The following SEBOX variants were observed in gnomAD, a reference collection of about 807,000 sequenced individuals.
SEBOX encodes the protein homeobox protein SEBOX.
A neutral mutation model predicts 7.8 loss-of-function variants in SEBOX; 10 were observed. The observed-to-expected ratio is 1.28, with a 90% CI of 0.79 to 2.17. The LOEUF (loss-of-function observed/expected upper bound fraction) is 2.17, where lower values mean the gene tolerates loss of function less well. Among genes scored for constraint, SEBOX ranks in the 30% most tolerant of loss-of-function variants. SEBOX has a pLI of 0.00. For synonymous variants in SEBOX, 98 were observed against 91.5 expected (o/e 1.07, Z -0.40); for missense variants, 240 against 239.5 (o/e 1.00, Z -0.01).
intron 2 of SEBOX, 22 bp from the exon 3 acceptor site, chr17:28,364,670 T>A (rs1555582739): frequency 1.9e-6 from 3 of 1,553,112 alleles, no homozygotes; most frequent in Non-Finnish European, 2.6e-6. Flanking sequence ...GAAGAAGGGG[T>A]CTGTTCTGGC....
chr17:28,364,337 C>T lies in SEBOX; in HGVS notation c.504G>A (p.Gln168=), dbSNP rs1191685612. 1.2e-6 allele frequency: 2 copies of T among 1,602,070 alleles called. No homozygotes were observed. The highest frequency in any genetic ancestry group is 4.5e-5 in the East Asian group (2 of 44,398). ...VHPSLERATP[Q]TSLGSLSDLI... ...GGTCAGACAGGCTGCCTAGTGAAGT[C>T]TGGGGAGTAGCTCGCTCTAAAGAAG... is the stretch of plus-strand genomic sequence containing the variant. The change falls in exon 3 of 3, where the codon CAG becomes CAA. Residue 168 remains glutamine, a synonymous_variant. Coordinates refer to ENST00000536498, the MANE Select transcript of SEBOX (RefSeq NM_001080837.4).
At chr17:28,365,006 C>G (rs1222062733) in intron 1 of SEBOX, 51 bp from the exon 2 acceptor site, 1 of 1,586,686 alleles carries the variant, frequency 6.3e-7, no homozygotes, top group Non-Finnish European at 8.6e-7. Flanking sequence ...GAGCCTCCAC[C>G]CAGCCTCAAA....
rs782469172 is a variant in SEBOX, at chr17:28,364,411, C to A, written c.430G>T (p.Ala144Ser). The A allele has an allele frequency of 1.9e-5, 31 of 1,590,478 alleles. No homozygotes were observed. The Admixed American group carries it at 5.3e-4, about 27-fold the overall frequency. ...GLSPRQGWEG[A>S]KAVAPWGSAG... ...GATCCCCATGGGGCTACAGCTTTAG[C>A]CCCTTCCCAGCCCTGCCGTGGACTC... The change falls in exon 3 of 3, where the codon GCT (alanine) becomes TCT (serine). Residue 144 changes from alanine (A) to serine (S), a missense_variant. Ala to Ser is a moderately conservative substitution (Grantham distance 99). Coordinates refer to ENST00000536498, the MANE Select transcript of SEBOX (RefSeq NM_001080837.4).
Position 28,365,107 on chromosome 17 carries a change from C to G in SEBOX, c.31+14G>C. The G allele has an allele frequency of 6.2e-7, 1 of 1,604,058 alleles. No homozygotes were observed. The highest frequency in any genetic ancestry group is 8.5e-7 in the Non-Finnish European group (1 of 1,173,424). On this transcript the variant is annotated intron_variant, in intron 1 of 2. Coordinates refer to ENST00000536498, the MANE Select transcript of SEBOX (RefSeq NM_001080837.4). ...TGCGTTCTCACCCTGCCCACACTTCCCCCATCAGATCACCTGCTGAGGATG... is the reference window on the plus strand; with the variant it reads ...TGCGTTCTCACCCTGCCCACACTTCGCCCATCAGATCACCTGCTGAGGATG...
At chr17:28,364,742 G>A in intron 2 of SEBOX, 53 bp downstream of exon 2, 2 of 1,606,104 alleles carry the variant, frequency 1.2e-6, no homozygotes, top group African/African-American at 1.3e-5. Context: ...CCCAGCGAAG[G>A]GGCTGTGGGC....
In SEBOX at chr17:28,364,479, C is replaced by T. The variant is rs781927397; in HGVS notation, c.362G>A (p.Arg121His). 29 of 1,607,744 alleles carry T rather than the reference C, an allele frequency of 1.8e-5. No homozygotes were observed. Among genetic ancestry groups the T allele is most frequent in the Admixed American group, 3.4e-5 (2 of 58,970 alleles). The change falls in exon 3 of 3, where the codon CGC (arginine) becomes CAC (histidine). Residue 121 changes from arginine (R) to histidine (H), a missense_variant. Transcript: ENST00000536498. ...QPPPSSGTPQ[R>H]TSVCRHSSCP... is the part of the protein sequence containing the mutation. The stretch of plus-strand genomic sequence containing the variant: ...GGAGCTATGTCGACACACTGAGGTG[C>T]GCTGAGGTGTGCCGCTGGAGGGTGG...
Position 28,364,417 on chromosome 17 carries a change from C to T in SEBOX, c.424G>A (p.Glu142Lys), listed in dbSNP as rs1555582671. ...APGLSPRQGW[E>K]GAKAVAPWGS... Reference sequence around the variant, plus strand: ...CATGGGGCTACAGCTTTAGCCCCTTCCCAGCCCTGCCGTGGACTCAAGCCA... The same window carrying T: ...CATGGGGCTACAGCTTTAGCCCCTTTCCAGCCCTGCCGTGGACTCAAGCCA... The change falls in exon 3 of 3, where the codon GAA becomes AAA. Residue 142 changes from glutamate (E) to lysine (K), a missense_variant. By Grantham distance (56) the Glu-to-Lys change is moderately conservative. Transcript: ENST00000536498. The T allele has an allele frequency of 6.3e-7, 1 of 1,590,466 alleles. No individual in the cohort carries two copies. The highest frequency in any genetic ancestry group is 1.3e-5 in the African/African-American group (1 of 74,422).
Position 28,364,325 on chromosome 17 carries a change from G to A in SEBOX, c.516C>T (p.Gly172=). 6.2e-7 allele frequency: 1 copy of A among 1,604,102 alleles called. No homozygotes were observed. Among genetic ancestry groups the A allele is most frequent in the Non-Finnish European group, 8.5e-7 (1 of 1,175,236 alleles). The change falls in exon 3 of 3, where the codon GGC becomes GGT. Residue 172 remains glycine (G), a synonymous_variant. Transcript: ENST00000536498. ...AGGCATAGATGAGGTCAGACAGGCT[G>A]CCTAGTGAAGTCTGGGGAGTAGCTC... The part of the protein sequence containing the change: ...LERATPQTSL[G]SLSDLIYALA...
At chr17:28,364,762 A>G in intron 2 of SEBOX, 33 bp downstream of exon 2, 1 of 1,612,706 alleles carries the variant, frequency 6.2e-7, no homozygotes, top group Non-Finnish European at 8.5e-7. Flanking sequence ...CCAAGCCTAG[A>G]TGTTGGCTGT....
rs782718962 is a variant in SEBOX, at chr17:28,364,805, G to A, written c.182C>T (p.Ala61Val). 2.5e-6 allele frequency: 4 copies of A among 1,613,918 alleles called. No homozygotes were observed. The highest frequency in any genetic ancestry group is 3.4e-6 in the Non-Finnish European group (4 of 1,179,860). ...GGGGTCACAGCTCACCTGTACCTTGGCCTCAGGAAGGCAAGTGACCCAGGC... is the reference window on the plus strand; with the variant it reads ...GGGGTCACAGCTCACCTGTACCTTGACCTCAGGAAGGCAAGTGACCCAGGC... ...HLAWVTCLPE[A>V]KVQVWFQKRW... The change falls in exon 2 of 3, where the codon GCC becomes GTC. Residue 61 changes from alanine (A) to valine (V), a missense_variant. Ala to Val is a moderately conservative substitution (Grantham distance 64). Coordinates refer to ENST00000536498, the MANE Select transcript of SEBOX (RefSeq NM_001080837.4).
At chr17:28,365,051 C>T in intron 1 of SEBOX, 70 bp downstream of exon 1, 3 of 1,576,228 alleles carry the variant, frequency 1.9e-6, no homozygotes, top group South Asian at 1.1e-5. Flanking sequence ...TACTCCCACC[C>T]CTCTCCAACC....
rs781830565 is a variant in SEBOX, at chr17:28,365,195, C to T, written c.-44G>A. ...GGTGCCAGAGGGCCGTGCCAGAGGG[C>T]CATGCCAGGGCTGTGCCCACACCAG... On this transcript the variant is annotated 5_prime_UTR_variant, in exon 1 of 3. Coordinates refer to ENST00000536498, the MANE Select transcript of SEBOX (RefSeq NM_001080837.4). 1.2e-5 allele frequency: 20 copies of T among 1,612,446 alleles called. No homozygotes were observed. The highest frequency in any genetic ancestry group is 1.4e-5 in the Non-Finnish European group (17 of 1,179,430).
rs1043760161 is a variant in SEBOX at position 28,364,637 on chromosome 17, C to G, written c.204G>C (p.Gln68His). 1.3e-6 allele frequency: 2 copies of G among 1,546,312 alleles called. No homozygotes were observed. The highest frequency in any genetic ancestry group is 2.5e-5 in the South Asian group (2 of 78,966). ...TCTTGATTATTTTGGCCCAGCGCTT[C>G]TGGAACCACACCTGCTAGGAAAGAA... ...LPEAKVQVWF[Q>H]KRWAKIIKNR... The change falls in exon 3 of 3, where the codon CAG becomes CAC. Residue 68 changes from glutamine to histidine, a missense_variant. Gln to His is a conservative substitution (Grantham distance 24). Transcript: ENST00000536498.
At chr17:28,365,183 CGTGCCAGAGGGCCATGCCAGGGCT>C (rs1271382204) in exon 1 of SEBOX, 2 of 1,611,984 alleles carry the variant, frequency 1.2e-6, no homozygotes, top group South Asian at 1.1e-5. Flanking sequence ...GCCAGAGGGC[CGTGCCAGAGGGCCATGCCAGGGCT>C]GTGCCCACAC....
rs1555582825 is a variant in SEBOX at position 28,365,109 on chromosome 17, C to G, written c.31+12G>C. On this transcript the variant is annotated intron_variant, in intron 1 of 2. Coordinates refer to ENST00000536498, the MANE Select transcript of SEBOX (RefSeq NM_001080837.4). ...CGTTCTCACCCTGCCCACACTTCCC[C>G]CATCAGATCACCTGCTGAGGATGCA... The G allele has an allele frequency of 3.1e-6, 5 of 1,601,958 alleles. No homozygotes were observed. The highest frequency in any genetic ancestry group is 3.4e-6 in the Non-Finnish European group (4 of 1,171,446).
At position 28,364,584 on chromosome 17, in the gene SEBOX, C is replaced by G. The variant is rs372441240; in HGVS notation, c.257G>C (p.Gly86Ala). ...ACAGGAGCTCTGGGGGCACTCAGAC[C>G]CAGGGCTTAGAATTCCTGACTTCCT... The part of the protein sequence containing the change: ...KNRKSGILSP[G>A]SECPQSSCSL... Residue 86 changes from glycine to alanine, a missense_variant, in exon 3 of 3, where the codon GGG becomes GCG. Gly to Ala is a moderately conservative substitution (Grantham distance 60, BLOSUM62 0). Transcript: ENST00000536498. The G allele has an allele frequency of 6.4e-7, 1 of 1,553,684 alleles. No individual in the cohort carries two copies. The highest frequency in any genetic ancestry group is 8.7e-7 in the Non-Finnish European group (1 of 1,151,814).
Position 28,364,418 on chromosome 17 carries a change from C to A in SEBOX, c.423G>T (p.Trp141Cys), listed in dbSNP as rs1461583414. Residue 141 changes from tryptophan to cysteine, a missense_variant, in exon 3 of 3, where the codon TGG (tryptophan) becomes TGT (cysteine). Coordinates refer to ENST00000536498, the MANE Select transcript of SEBOX (RefSeq NM_001080837.4). ...PAPGLSPRQG[W>C]EGAKAVAPWG... Reference sequence around the variant, plus strand: ...ATGGGGCTACAGCTTTAGCCCCTTCCCAGCCCTGCCGTGGACTCAAGCCAG... The same window carrying A: ...ATGGGGCTACAGCTTTAGCCCCTTCACAGCCCTGCCGTGGACTCAAGCCAG... 1 of 1,590,960 alleles carries A rather than the reference C, an allele frequency of 6.3e-7. No homozygotes were observed. The highest frequency in any genetic ancestry group is 8.6e-7 in the Non-Finnish European group (1 of 1,168,434).
Position 28,364,507 on chromosome 17 carries a change from G to A in SEBOX, c.334C>T (p.Pro112Ser). The change falls in exon 3 of 3, where the codon CCT becomes TCT. Residue 112 changes from proline (P) to serine (S), a missense_variant. Transcript: ENST00000536498. ...TGAGGTGTGCCGCTGGAGGGTGGAG[G>A]TTGGCCTGGCATTTGGGGATCCCAG... The part of the protein sequence containing the change: ...QPWDPQMPGQ[P>S]PPSSGTPQRT... 6.2e-7 allele frequency: 1 copy of A among 1,606,580 alleles called. No individual in the cohort carries two copies. The highest frequency in any genetic ancestry group is 8.5e-7 in the Non-Finnish European group (1 of 1,174,656).
chr17:28,364,428 C>T lies in SEBOX; in HGVS notation c.413G>A (p.Arg138Gln), dbSNP rs782660798. 2.0e-5 allele frequency: 32 copies of T among 1,593,962 alleles called. No homozygotes were observed. The highest frequency in any genetic ancestry group is 6.8e-5 in the East Asian group (3 of 44,012). ...AGCTTTAGCCCCTTCCCAGCCCTGCCGTGGACTCAAGCCAGGAGCTGGACA... is the reference window on the plus strand; with the variant it reads ...AGCTTTAGCCCCTTCCCAGCCCTGCTGTGGACTCAAGCCAGGAGCTGGACA... ...SSCPAPGLSPRQGWEGAKAVA... is the reference protein window; with the variant it reads ...SSCPAPGLSPQQGWEGAKAVA... The change falls in exon 3 of 3, where the codon CGG becomes CAG. Residue 138 changes from arginine (R) to glutamine (Q), a missense_variant. Physicochemically the swap from Arg to Gln is conservative, Grantham distance 43. Transcript: ENST00000536498.
Sources: allele counts gnomAD v4.1 joint callset, GRCh38; gene constraint gnomAD v4.1.1; transcripts MANE v1.5; gene names NCBI Gene and HGNC (gene_info 2026-07-23, HGNC 2026-07-21).